Variants in TOGARAM2 observed in about 807,000 individuals in gnomAD.
TOGARAM2 encodes the protein TOG array regulator of axonemal microtubules protein 2.
Under a neutral mutation model 93.3 loss-of-function variants are expected in TOGARAM2, and 85 were observed. That is an observed-to-expected ratio of 0.91 (90% CI 0.76 to 1.09). The LOEUF is 1.09. Among genes scored for constraint, TOGARAM2 ranks in the 50% least tolerant of loss-of-function variants. The pLI is 0.00. For synonymous variants in TOGARAM2, 593 were observed against 552.8 expected (o/e 1.07, Z -1.02); for missense variants, 1,277 against 1,334.5 (o/e 0.96, Z 0.67).
At chr2:28,968,155 C>A (rs905564824) in intron 1 of TOGARAM2, among the ~76,000 whole-genome samples, 4 of 151,996 alleles carry the variant, frequency 2.6e-5, no homozygotes, top group African/African-American at 9.7e-5. Context: ...GGACAAGGAC[C>A]CTCAGGTGTT....
At chr2:28,994,986 G>T (rs973097650) in intron 2 of TOGARAM2, 124 bp downstream of exon 2, 1 of 1,216,068 alleles carries the variant, frequency 8.2e-7, no homozygotes, top group East Asian at 2.6e-5. Context: ...ATAACAGCCA[G>T]GTGGCCGTGC....
intron 6 of TOGARAM2, among the ~76,000 whole-genome samples, chr2:29,006,302 T>TGTGA (rs1374021735): frequency 2.0e-5 from 3 of 149,478 alleles, no homozygotes; most frequent in Non-Finnish European, 3.0e-5. Flanking sequence ...CATGTGTGTG[T>TGTGA]GTGAGTGCCT....
intron 7 of TOGARAM2, among the ~76,000 whole-genome samples, chr2:29,013,656 G>C (rs543730267): frequency 6.6e-6 from 1 of 152,338 alleles, no homozygotes; most frequent in Admixed American, 6.5e-5. Flanking sequence ...CAGGCAGCCA[G>C]AAGACCCGGC....
intron 4 of TOGARAM2, among the ~76,000 whole-genome samples, chr2:29,000,164 T>A (rs955568705): frequency 2.6e-5 from 4 of 152,218 alleles, no homozygotes; most frequent in Non-Finnish European, 4.4e-5. Context: ...GAATCTTGCA[T>A]GTAATTGTCA....
intron 7 of TOGARAM2, among the ~76,000 whole-genome samples, chr2:29,013,088 C>T (rs1169141423): frequency 1.3e-5 from 2 of 152,252 alleles, no homozygotes; most frequent in Admixed American, 1.3e-4. Context: ...TCTCAGCAGA[C>T]CCCTGACTTG....
At chr2:28,969,229 T>C (rs754643956) in intron 1 of TOGARAM2, among the ~76,000 whole-genome samples, 6 of 152,202 alleles carry the variant, frequency 3.9e-5, no homozygotes, top group Non-Finnish European at 7.3e-5. Context: ...TCTGGGGGAT[T>C]GAAATTTGCC....
chr2:29,024,003 G>A (rs1572733759), intron 12 of TOGARAM2, 136 bp from the exon 13 acceptor site: 1 of 677,248 alleles, frequency 1.5e-6, no homozygotes, highest in South Asian at 1.9e-5. Context: ...CAGGGTTTTT[G>A]TTTCCAGCGT....
chr2:29,005,086 GTGTGAGTGCATGT>G lies in TOGARAM2; in HGVS notation c.830+1418_830+1430del, dbSNP rs537177186. On this transcript the variant is annotated intron_variant, in intron 6 of 19. Coordinates refer to ENST00000379558, the MANE Select transcript of TOGARAM2 (RefSeq NM_199280.4). The stretch of plus-strand genomic sequence containing the variant: ...TGAGTGCATGTGTGTGCATGTGTAT[GTGTGAGTGCATGT>G]TGTGAGTGCATGTGTATGGGTGTGT... Among the ~76,000 whole-genome samples, 61 of 119,416 alleles carry G rather than the reference GTGTGAGTGCATGT, an allele frequency of 5.1e-4. 7 individuals carry two copies. The highest frequency in any genetic ancestry group is 1.8e-3 in the African/African-American group (60 of 33,382). 78.3% of individuals were successfully genotyped at this position (119,416 alleles called of 152,430 possible).
intron 1 of TOGARAM2, among the ~76,000 whole-genome samples, chr2:28,982,856 C>A (rs1215673046): frequency 1.3e-5 from 2 of 152,192 alleles, no homozygotes; most frequent in Non-Finnish European, 2.9e-5. Flanking sequence ...CTGGCCGCCT[C>A]CCAGAACCCA....
intron 1 of TOGARAM2, among the ~76,000 whole-genome samples, chr2:28,983,198 ATTTTTTTTTT>A (rs57949744): frequency 0.016 from 914 of 56,124 alleles, 12 homozygotes; most frequent in East Asian, 0.037. Flanking sequence ...ATATATATAT[ATTTTTTTTTT>A]TTTTTTTTTT....
rs190202676 is a variant in TOGARAM2, at chr2:29,033,623, C to A, written c.2225+60C>A. 26 of 1,527,018 alleles carry A rather than the reference C, an allele frequency of 1.7e-5. No individual in the cohort carries two copies. In the African/African-American group the frequency reaches 3.1e-4, roughly 18 times the overall value. The allele number at this position is 1,527,018 out of a possible 1,614,324, so 94.6% of individuals were successfully genotyped here. On this transcript the variant is annotated intron_variant, in intron 16 of 19. Transcript: ENST00000379558. ...TAAGACTTCTGACAGAGGCATCCTG[C>A]TTGTCCATGGCCAGGGGTGGCTCTG...
chr2:29,032,024 C>A (rs895762790), intron 14 of TOGARAM2, among the ~76,000 whole-genome samples: 4 of 152,200 alleles, frequency 2.6e-5, no homozygotes, highest in Non-Finnish European at 5.9e-5. Flanking sequence ...GATTTCAGGC[C>A]TGCACCATCT....
chr2:29,044,277 C>T (rs533075805), intron 18 of TOGARAM2, among the ~76,000 whole-genome samples: 13 of 152,250 alleles, frequency 8.5e-5, no homozygotes, highest in South Asian at 6.2e-4. Context: ...GGCATATAGA[C>T]GATAAACTCA....
intron 1 of TOGARAM2, among the ~76,000 whole-genome samples, chr2:28,967,095 A>C (rs1671877340): frequency 6.6e-6 from 1 of 152,272 alleles, no homozygotes; most frequent in African/African-American, 2.4e-5. Context: ...CAAGGTGCTC[A>C]ACATCAAATG....
intron 16 of TOGARAM2, among the ~76,000 whole-genome samples, chr2:29,034,843 CACTCTT>C (rs1198370941): frequency 3.9e-5 from 6 of 152,142 alleles, no homozygotes; most frequent in African/African-American, 1.4e-4. Flanking sequence ...GGTCTTTCCC[CACTCTT>C]ACATTAAATG....
chr2:29,014,507 C>A lies in TOGARAM2; in HGVS notation c.990C>A (p.Ala330=). 1 of 1,580,680 alleles carries A rather than the reference C, an allele frequency of 6.3e-7. No homozygotes were observed. Among genetic ancestry groups the A allele is most frequent in the Non-Finnish European group, 8.6e-7 (1 of 1,163,380 alleles). ...TGACAGCCTTCTCCTTTGACTGTGC[C>A]AGAGAAGCCTGCCCTCCGCTGAAAG... is the stretch of plus-strand genomic sequence containing the variant. ...PTLTAFSFDC[A]REACPPLKEE... Residue 330 remains alanine (A), a synonymous_variant, in exon 8 of 20, where the codon GCC becomes GCA. Transcript: ENST00000379558.
In TOGARAM2 at chr2:28,956,866, T is replaced by C. The variant is rs141299399; in HGVS notation, c.-147+169T>C. Among the ~76,000 whole-genome samples, 5,021 of 152,314 alleles carry C rather than the reference T, an allele frequency of 0.033. 274 individuals carry two copies. Among genetic ancestry groups the C allele is most frequent in the African/African-American group, 0.11 (4,674 of 41,552 alleles). On this transcript the variant is annotated intron_variant, in intron 1 of 6. Coordinates refer to the TOGARAM2 transcript ENST00000401723. This position sits in a 1 kb window ranked among gnomAD's most constrained non-coding sequence, Gnocchi z 4.5. ...CTGGCCGGGTATGGTGGCTCATGCC[T>C]GTAATCCCAACACTTTGGGAGGCCG...
At chr2:29,023,289 T>G in intron 12 of TOGARAM2, 98 bp downstream of exon 12, 1 of 948,278 alleles carries the variant, frequency 1.1e-6, no homozygotes, top group African/African-American at 1.7e-5. Context: ...TTCAGGGACA[T>G]GGGGATCCCT....
At chr2:28,966,400 C>T (rs902825329) in intron 1 of TOGARAM2, among the ~76,000 whole-genome samples, 2 of 152,176 alleles carry the variant, frequency 1.3e-5, no homozygotes, top group Non-Finnish European at 2.9e-5. Context: ...GGCGTTCAAG[C>T]GATTCTCCTG....
Sources: allele counts gnomAD v4.1 joint callset (sites outside exome capture counted in the v4.1 genomes callset), GRCh38; gene constraint gnomAD v4.1.1; non-coding constraint Gnocchi (gnomAD v3.1); transcripts MANE v1.5; gene names NCBI Gene and HGNC (gene_info 2026-07-23, HGNC 2026-07-21).